Variants in RBFOX1 observed in about 807,000 individuals in gnomAD.
RBFOX1 encodes RNA binding protein fox-1 homolog 1.
Under a neutral mutation model 57.7 loss-of-function variants are expected in RBFOX1, and 8 were observed. That is an observed-to-expected ratio of 0.14 (90% CI 0.08 to 0.25). RBFOX1 has a LOEUF of 0.25. Among genes scored for constraint, RBFOX1 ranks in the 10% least tolerant of loss-of-function variants. RBFOX1 has a pLI of 1.00. For missense variants in RBFOX1, 611 were observed against 548.5 expected (o/e 1.11, Z -1.14); for synonymous variants, 326 against 222.4 (o/e 1.47, Z -4.15).
chr16:7,420,898 C>CATATATATATATAT (rs2098534996), intron 4 of RBFOX1, among the ~76,000 whole-genome samples: 5 of 145,622 alleles, frequency 3.4e-5, no homozygotes, highest in South Asian at 2.1e-4. Context: ...TATATATATA[C>CATATATATATATAT]ACACATATAT....
intron 3 of RBFOX1, among the ~76,000 whole-genome samples, chr16:6,938,709 A>C (rs1319011771): frequency 6.6e-6 from 1 of 152,150 alleles, no homozygotes; most frequent in Non-Finnish European, 1.5e-5. Flanking sequence ...CTGGTCTCGA[A>C]TCACTTGAGA....
intron 3 of RBFOX1, among the ~76,000 whole-genome samples, chr16:6,996,175 C>A (rs116171958): frequency 0.014 from 2,057 of 152,266 alleles, 16 homozygotes; most frequent in South Asian, 0.046. Flanking sequence ...CATGGCAGTT[C>A]CCGATAAATC....
rs145494649 is a variant in RBFOX1 at position 6,525,767 on chromosome 16, G to C, written c.-63-128836G>C. ...AAAAATGGTCTTACTATTGTCTCCAGCAATTTTATAGGGTCATGAATCCCA... is the reference window on the plus strand; with the variant it reads ...AAAAATGGTCTTACTATTGTCTCCACCAATTTTATAGGGTCATGAATCCCA... On this transcript the variant is annotated intron_variant, in intron 2 of 15. Coordinates refer to ENST00000550418, the MANE Select transcript of RBFOX1 (RefSeq NM_018723.4). 4.5e-4 allele frequency among the ~76,000 whole-genome samples: 69 copies of C among 152,090 alleles called. 1 individual carries two copies. In the East Asian group the frequency reaches 0.013, roughly 29 times the overall value.
At chr16:6,712,883 GTTTTTT>G (rs61328266) in intron 3 of RBFOX1, among the ~76,000 whole-genome samples, 1,789 of 83,020 alleles carry the variant, frequency 0.022, 33 homozygotes, top group African/African-American at 0.059. Context: ...TCATGGGGGT[GTTTTTT>G]TTTTTTTTTT....
chr16:7,268,513 A>G (rs879799742), intron 4 of RBFOX1, among the ~76,000 whole-genome samples: 3 of 152,162 alleles, frequency 2.0e-5, no homozygotes, highest in Non-Finnish European at 2.9e-5. Context: ...CTCTGCGGTA[A>G]TATGTTCTAA....
At chr16:7,438,027 G>A (rs1222584677) in intron 4 of RBFOX1, among the ~76,000 whole-genome samples, 2 of 152,126 alleles carry the variant, frequency 1.3e-5, no homozygotes, top group African/African-American at 4.8e-5. Flanking sequence ...ATGTCAGTGC[G>A]ACAGTTGATG....
At chr16:5,446,007 A>G (rs1385405247) in intron 1 of RBFOX1, among the ~76,000 whole-genome samples, 4 of 152,308 alleles carry the variant, frequency 2.6e-5, no homozygotes, top group African/African-American at 9.6e-5. Flanking sequence ...TAACAATCAC[A>G]TTGATTTTTT....
intron 2 of RBFOX1, among the ~76,000 whole-genome samples, chr16:5,538,773 C>T (rs570280738): frequency 8.7e-4 from 132 of 152,006 alleles, no homozygotes; most frequent in African/African-American, 2.4e-3. Flanking sequence ...ACTACAGGCA[C>T]GCACCACCAT....
intron 4 of RBFOX1, among the ~76,000 whole-genome samples, chr16:7,131,550 G>T (rs1006491030): frequency 6.6e-6 from 1 of 151,628 alleles, no homozygotes; most frequent in South Asian, 2.1e-4. Flanking sequence ...GCTGGCAAGT[G>T]ATTGGAACTG....
intron 2 of RBFOX1, among the ~76,000 whole-genome samples, chr16:5,522,570 A>G (rs904645675): frequency 2.6e-5 from 4 of 152,190 alleles, no homozygotes; most frequent in Non-Finnish European, 5.9e-5. Context: ...TCTTCTAGCT[A>G]TTTTGAGATA....
intron 4 of RBFOX1, among the ~76,000 whole-genome samples, chr16:5,958,740 A>G (rs977917310): frequency 2.6e-5 from 4 of 152,138 alleles, no homozygotes. Flanking sequence ...GCTCCAGGAG[A>G]TAATCTATTC....
intron 4 of RBFOX1, among the ~76,000 whole-genome samples, chr16:7,509,894 C>G (rs563008158): frequency 1.3e-5 from 2 of 151,942 alleles, no homozygotes; most frequent in Admixed American, 6.6e-5. Flanking sequence ...ATGAAAAATT[C>G]CAGCTCCAGG....
At chr16:5,451,481 G>C (rs2068424369) in intron 1 of RBFOX1, among the ~76,000 whole-genome samples, 1 of 152,198 alleles carries the variant, frequency 6.6e-6, no homozygotes, top group Admixed American at 6.5e-5. Flanking sequence ...TGAATGATTT[G>C]ATGGGGGAGG....
intron 1 of RBFOX1, among the ~76,000 whole-genome samples, chr16:5,240,847 T>C (rs1022476288): frequency 6.6e-6 from 1 of 152,166 alleles, no homozygotes; most frequent in African/African-American, 2.4e-5. Context: ...TCTGCTTTCC[T>C]ACCCCAACTC....
At chr16:5,770,911 C>A (rs147209051) in intron 3 of RBFOX1, among the ~76,000 whole-genome samples, 1 of 152,296 alleles carries the variant, frequency 6.6e-6, no homozygotes, top group South Asian at 2.1e-4. Context: ...ACTGGGTAAG[C>A]AAGACAGGCA....
At chr16:5,986,040 C>G (rs2060279129) in intron 4 of RBFOX1, among the ~76,000 whole-genome samples, 1 of 148,958 alleles carries the variant, frequency 6.7e-6, no homozygotes, top group Admixed American at 6.8e-5. Flanking sequence ...TCTTTATTTT[C>G]TATTGATTTT....
At chr16:6,179,548 CT>C (rs2097045742) in intron 1 of RBFOX1, among the ~76,000 whole-genome samples, 1 of 152,142 alleles carries the variant, frequency 6.6e-6, no homozygotes, top group Non-Finnish European at 1.5e-5. Context: ...GCTTGGAGCC[CT>C]ACTGGGCTCA....
At chr16:7,359,019 C>G (rs941474079) in intron 4 of RBFOX1, among the ~76,000 whole-genome samples, 18 of 152,256 alleles carry the variant, frequency 1.2e-4, no homozygotes, top group Admixed American at 9.2e-4. Context: ...TAGTTGAGTT[C>G]TTTGCTGCCT....
At chr16:6,079,477 A>G (rs748325006) in intron 1 of RBFOX1, among the ~76,000 whole-genome samples, 2 of 151,970 alleles carry the variant, frequency 1.3e-5, no homozygotes, top group Admixed American at 1.3e-4. Flanking sequence ...ATGCCTGGCT[A>G]TTTATTTTTA....
Sources: gnomAD v4.1 joint callset for allele counts (sites outside exome capture counted in the v4.1 genomes callset) on GRCh38, gnomAD v4.1.1 for gene constraint, MANE v1.5 for transcripts, NCBI Gene and HGNC (gene_info 2026-07-23, HGNC 2026-07-21) for gene names.